VOPP1: variants seen among roughly 807,000 people sequenced by gnomAD.
VOPP1 encodes the protein VOPP1 WW domain binding protein.
A neutral mutation model predicts 23.5 loss-of-function variants in VOPP1; 8 were observed. That is an observed-to-expected ratio of 0.34 (90% confidence interval 0.20 to 0.61). The LOEUF (loss-of-function observed/expected upper bound fraction) is 0.61, where lower values mean the gene tolerates loss of function less well. Ranked by LOEUF, VOPP1 falls within the 20% of genes least tolerant of loss-of-function variation. The pLI, the probability that VOPP1 is intolerant of heterozygous loss-of-function variation, is 0.78. For missense variants in VOPP1, 174 were observed against 238.1 expected (o/e 0.73, Z 1.77); for synonymous variants, 83 against 97.3 (o/e 0.85, Z 0.86).
chr7:55,487,896 A>T (rs1030179942), intron 4 of VOPP1, among the ~76,000 whole-genome samples: 2 of 152,190 alleles, frequency 1.3e-5, no homozygotes, highest in African/African-American at 2.4e-5. Context: ...CCCCAGGCCT[A>T]CAGTGCTGCC....
chr7:55,447,957 C>A (rs1025735188), intron 4 of VOPP1, among the ~76,000 whole-genome samples: 1 of 152,094 alleles, frequency 6.6e-6, no homozygotes, highest in African/African-American at 2.4e-5. Context: ...GTAATTATGG[C>A]AAATCACTGT....
At chr7:55,442,768 G>T (rs1790998684) in intron 4 of VOPP1, among the ~76,000 whole-genome samples, 1 of 152,164 alleles carries the variant, frequency 6.6e-6, no homozygotes, top group Non-Finnish European at 1.5e-5. Context: ...GGATGCAAGA[G>T]GCTAGGCCCA....
chr7:55,492,144 G>T, intron 4 of VOPP1, 138 bp downstream of exon 4: 1 of 1,226,938 alleles, frequency 8.2e-7, no homozygotes, highest in Non-Finnish European at 1.1e-6. Context: ...CAATGGAGCT[G>T]GTCATCAGAA....
At chr7:55,456,028 G>C (rs112055409) in intron 4 of VOPP1, among the ~76,000 whole-genome samples, 1,787 of 152,164 alleles carry the variant, frequency 0.012, 13 homozygotes, top group Admixed American at 0.021. Context: ...CCTACAGAAC[G>C]GGAGAAAATT....
intron 2 of VOPP1, among the ~76,000 whole-genome samples, chr7:55,520,245 T>C (rs939332954): frequency 2.6e-5 from 4 of 152,208 alleles, no homozygotes; most frequent in African/African-American, 9.7e-5. Flanking sequence ...CTAGAATATA[T>C]AGTGTTTCTG....
intron 4 of VOPP1, among the ~76,000 whole-genome samples, chr7:55,455,120 C>T (rs113735537): frequency 0.012 from 1,829 of 152,262 alleles, 13 homozygotes; most frequent in Admixed American, 0.021. Context: ...TCTCAGGATA[C>T]AAAATCAACA....
intron 4 of VOPP1, among the ~76,000 whole-genome samples, chr7:55,473,777 G>C (rs368249826): frequency 6.6e-6 from 1 of 152,232 alleles, no homozygotes; most frequent in Admixed American, 6.5e-5. Context: ...ACAAAACCGT[G>C]AAAGTGCTGG....
intron 2 of VOPP1, among the ~76,000 whole-genome samples, chr7:55,511,995 A>G (rs1795100649): frequency 1.3e-5 from 2 of 152,236 alleles, no homozygotes; most frequent in South Asian, 4.1e-4. Flanking sequence ...TAGTTAAACA[A>G]AACAAAAACT....
At chr7:55,439,620 G>T (rs757989457) in intron 4 of VOPP1, among the ~76,000 whole-genome samples, 2 of 152,234 alleles carry the variant, frequency 1.3e-5, no homozygotes, top group African/African-American at 4.8e-5. Context: ...AGGAGGCAAG[G>T]GCCTGGGGGC....
chr7:55,545,440 C>A (rs1036137922), intron 1 of VOPP1, among the ~76,000 whole-genome samples: 1 of 152,198 alleles, frequency 6.6e-6, no homozygotes, highest in Non-Finnish European at 1.5e-5. Flanking sequence ...AAGCAGCACA[C>A]AACTGACCCA....
intron 4 of VOPP1, among the ~76,000 whole-genome samples, chr7:55,462,593 T>C (rs1791528334): frequency 6.6e-6 from 1 of 151,988 alleles, no homozygotes. Flanking sequence ...AAAAGACCTG[T>C]CTTCAAATTC....
At position 55,473,086 on chromosome 7, in the gene VOPP1, C is replaced by A. The variant is rs371249566; in HGVS notation, c.329-41G>T. On this transcript the variant is annotated intron_variant, in intron 4 of 4. Transcript: ENST00000285279. ...ACATAGGTGAGCACAGAAGGGAAAG[C>A]CCCATCACACCGCAAGTATGTGCAG... is the stretch of plus-strand genomic sequence containing the variant. 643 of 1,568,410 alleles carry A rather than the reference C, an allele frequency of 4.1e-4. 2 individuals are homozygous for A. The highest frequency in any genetic ancestry group is 1.5e-3 in the Middle Eastern group (9 of 5,910).
chr7:55,496,365 C>T (rs1793952715), intron 3 of VOPP1, among the ~76,000 whole-genome samples: 1 of 152,258 alleles, frequency 6.6e-6, no homozygotes. Flanking sequence ...CCCTCCCCGT[C>T]TCTGGTACTG....
At chr7:55,497,392 C>T (rs1181991073) in intron 3 of VOPP1, among the ~76,000 whole-genome samples, 3 of 152,166 alleles carry the variant, frequency 2.0e-5, no homozygotes, top group Non-Finnish European at 4.4e-5. Context: ...CTCTTCTTCC[C>T]ACTCCAAAAT....
Position 55,537,524 on chromosome 7 carries a change from G to A in VOPP1, c.55-16394C>T, listed in dbSNP as rs201798129. 1,648 of 1,536,092 alleles carry A rather than the reference G, an allele frequency of 1.1e-3. 1 individual carries two copies. Among genetic ancestry groups the A allele is most frequent in the Non-Finnish European group, 1.3e-3 (1,516 of 1,146,772 alleles). ...ACCTGAGCATGTGAGCCCGTCCTTC[G>A]CATTCTGTTAGGCGCAAGGATGCAG... On this transcript the variant is annotated intron_variant, in intron 1 of 4. Transcript: ENST00000285279.
chr7:55,505,017 A>C (rs1480777397), intron 2 of VOPP1, among the ~76,000 whole-genome samples: 1 of 152,218 alleles, frequency 6.6e-6, no homozygotes, highest in Non-Finnish European at 1.5e-5. Flanking sequence ...TATCCATAAA[A>C]AGGGTAAACT....
At chr7:55,499,501 A>C (rs750252296) in intron 2 of VOPP1, among the ~76,000 whole-genome samples, 23 of 152,362 alleles carry the variant, frequency 1.5e-4, no homozygotes, top group Admixed American at 2.6e-4. Flanking sequence ...GAAAACCCAG[A>C]GGAAACCCCT....
intron 1 of VOPP1, chr7:55,521,612 C>T (rs1795863499): frequency 4.1e-6 from 4 of 987,590 alleles, no homozygotes; most frequent in South Asian, 4.7e-5. Context: ...ACGGTTCACT[C>T]GTTGCCCTCT....
intron 4 of VOPP1, among the ~76,000 whole-genome samples, chr7:55,440,901 C>T (rs1295123196): frequency 6.6e-6 from 1 of 152,204 alleles, no homozygotes; most frequent in Non-Finnish European, 1.5e-5. Flanking sequence ...ACATCCACGC[C>T]CCTCACTCCT....
Sources: gnomAD v4.1 joint callset for allele counts (sites outside exome capture counted in the v4.1 genomes callset) on GRCh38, gnomAD v4.1.1 for gene constraint, MANE v1.5 for transcripts, NCBI Gene and HGNC (gene_info 2026-07-23, HGNC 2026-07-21) for gene names.